The following TUSC3 variants were observed in gnomAD, a reference collection of about 807,000 sequenced individuals.
TUSC3 encodes tumor suppressor candidate 3, also known as dolichyl-diphosphooligosaccharide--protein glycosyltransferase subunit TUSC3.
In TUSC3, 45 loss-of-function variants were observed where a neutral mutation model predicts 44.8. The observed-to-expected ratio is 1.00, with a 90% CI of 0.79 to 1.29. The LOEUF is 1.29. TUSC3 is among the 50% of genes most tolerant of loss of function. The probability of loss-of-function intolerance (pLI) is 0.00; values close to 1 mark genes in which losing one functional copy is unlikely to be tolerated. For synonymous variants in TUSC3, 212 were observed against 152.9 expected, an observed-to-expected ratio of 1.39 and a Z score of -2.85; for missense variants, 519 against 437.9, an observed-to-expected ratio of 1.19 and a Z score of -1.65.
chr8:15,792,006 TAAAA>T, the TUSC3 span, among the ~76,000 whole-genome samples: 2 of 151,646 alleles, frequency 1.3e-5, no homozygotes, highest in African/African-American at 2.4e-5. Context: ...CTTTCTAACA[TAAAA>T]AAAAGCCACA....
intron 2 of TUSC3, among the ~76,000 whole-genome samples, chr8:15,528,383 G>C (rs192461370): frequency 1.6e-4 from 24 of 152,274 alleles, no homozygotes; most frequent in Non-Finnish European, 2.9e-5. Context: ...AATTTTAAAA[G>C]TTCGATATAA....
the TUSC3 span, among the ~76,000 whole-genome samples, chr8:15,827,826 G>C: frequency 6.6e-6 from 1 of 152,072 alleles, no homozygotes; most frequent in Non-Finnish European, 1.5e-5. Context: ...TTAGATGAGA[G>C]TTGATGCCGG....
intron 9 of TUSC3, among the ~76,000 whole-genome samples, chr8:15,751,098 G>A (rs1194579499): frequency 6.6e-6 from 1 of 152,118 alleles, no homozygotes; most frequent in African/African-American, 2.4e-5. Context: ...CTGTGCTATT[G>A]TGTGGGTTTA....
At chr8:15,692,375 G>GTTTTTTTTTTTTT (rs59838929) in intron 6 of TUSC3, among the ~76,000 whole-genome samples, 26 of 68,344 alleles carry the variant, frequency 3.8e-4, no homozygotes, top group East Asian at 5.1e-4. Flanking sequence ...CCCCCCCTTT[G>GTTTTTTTTTTTTT]TTTTTTTTTT....
At chr8:15,742,737 G>A (rs1811246978) in intron 7 of TUSC3, among the ~76,000 whole-genome samples, 1 of 152,196 alleles carries the variant, frequency 6.6e-6, no homozygotes, top group Non-Finnish European at 1.5e-5. Flanking sequence ...TCAATTTTTA[G>A]TCCATTAATC....
At chr8:15,468,159 T>G (rs2172820) in intron 1 of TUSC3, among the ~76,000 whole-genome samples, 38,474 of 152,136 alleles carry the variant, frequency 0.25, 4,994 homozygotes, top group Admixed American at 0.34. Flanking sequence ...CATATAATTA[T>G]CATCCTGAGA....
the TUSC3 span, among the ~76,000 whole-genome samples, chr8:15,846,150 A>G: frequency 6.6e-6 from 1 of 152,318 alleles, no homozygotes; most frequent in African/African-American, 2.4e-5. Flanking sequence ...TCTGGGAGAT[A>G]TAATTCCAGT....
intron 2 of TUSC3, among the ~76,000 whole-genome samples, chr8:15,485,462 G>GTTT (rs1800721141): frequency 4.0e-5 from 4 of 101,040 alleles, no homozygotes; most frequent in Non-Finnish European, 8.1e-5. Flanking sequence ...ATACTCTGTT[G>GTTT]TCTTTTTTTT....
chr8:15,571,706 T>C (rs1117882), intron 1 of TUSC3, among the ~76,000 whole-genome samples: 152,204 of 152,242 alleles, frequency 1, 76,083 homozygotes, highest in Middle Eastern at 1. Context: ...TGCTGTTTGA[T>C]AGAATTTTAC....
chr8:15,715,660 G>A (rs1201688371), intron 6 of TUSC3, among the ~76,000 whole-genome samples: 1 of 150,844 alleles, frequency 6.6e-6, no homozygotes, highest in African/African-American at 2.4e-5. Flanking sequence ...TAAAACCAAA[G>A]ATAAGGGGGG....
chr8:15,748,031 A>ATAACATGT (rs1372146625), intron 8 of TUSC3, among the ~76,000 whole-genome samples: 3 of 152,140 alleles, frequency 2.0e-5, no homozygotes, highest in African/African-American at 7.2e-5. Context: ...TTTGTGGTTT[A>ATAACATGT]TAACATGTTT....
chr8:15,603,924 C>T (rs1016477164), intron 1 of TUSC3, among the ~76,000 whole-genome samples: 2 of 151,336 alleles, frequency 1.3e-5, no homozygotes, highest in Admixed American at 1.3e-4. Context: ...GTTTAAGAAC[C>T]CTTTTAGAGT....
chr8:15,536,213 G>A (rs1801519851), upstream of TUSC3, among the ~76,000 whole-genome samples: 1 of 152,160 alleles, frequency 6.6e-6, no homozygotes, highest in South Asian at 2.1e-4. Flanking sequence ...CCTTGCTGGA[G>A]CAGCATGAGA....
At chr8:15,524,094 T>G (rs979822972) in intron 2 of TUSC3, among the ~76,000 whole-genome samples, 1 of 151,952 alleles carries the variant, frequency 6.6e-6, no homozygotes, top group African/African-American at 2.4e-5. Context: ...TGTGTTTGGT[T>G]TGCATTTGAT....
intron 2 of TUSC3, among the ~76,000 whole-genome samples, chr8:15,504,605 ATATATATATATATATATTTTT>A (rs1180368545): frequency 0.015 from 459 of 31,150 alleles, 7 homozygotes; most frequent in African/African-American, 0.015. Context: ...ATATATATAT[ATATATATATATATATATTTTT>A]TTTTTTTTTT....
rs150526847 is a variant in TUSC3 at position 15,489,972 on chromosome 8, C to T, written n.189+6489C>T. Among the ~76,000 whole-genome samples, 655 of 152,174 alleles carry T rather than the reference C, an allele frequency of 4.3e-3. 3 individuals are homozygous for T. The highest frequency in any genetic ancestry group is 0.015 in the African/African-American group (609 of 41,486). On this transcript the variant is annotated intron_variant and non_coding_transcript_variant, in intron 2 of 5. Coordinates refer to the TUSC3 transcript ENST00000503191. ...GTAAAGTTTTGTAATTCTGTTGGTG[C>T]TGAAATAGTCAAAATAAGAAATTTA... is the stretch of plus-strand genomic sequence containing the variant.
chr8:15,689,081 G>A, intron 6 of TUSC3: 1 of 377,000 alleles, frequency 2.7e-6, no homozygotes, highest in Non-Finnish European at 5.2e-6. Context: ...CTGCCCTGTA[G>A]TTTGCCTTTC....
rs1264065272 is a variant in TUSC3 at position 15,540,269 on chromosome 8, C to T, written c.-162C>T. On this transcript the variant is annotated 5_prime_UTR_variant, in exon 1 of 11. Transcript: ENST00000503731. ...GTGAACCGGATGCTCTGTCAGTCTC[C>T]TCCTCTGCGTCCTCGGCCGCGGCCC... The T allele has an allele frequency of 5.9e-6, 6 of 1,016,918 alleles. No homozygotes were observed. Among genetic ancestry groups the T allele is most frequent in the African/African-American group, 1.7e-5 (1 of 58,538 alleles). 63.0% of individuals were successfully genotyped at this position (1,016,918 alleles called of 1,614,324 possible). A position where few individuals can be genotyped will look rare whatever the true frequency, so the allele number is the denominator to read the frequency against.
At chr8:15,518,073 G>C (rs569270480) in intron 2 of TUSC3, among the ~76,000 whole-genome samples, 3 of 151,760 alleles carry the variant, frequency 2.0e-5, no homozygotes, top group African/African-American at 7.2e-5. Flanking sequence ...TCCACTTTCA[G>C]TCTCTGTATA....
Sources: allele counts gnomAD v4.1 joint callset (sites outside exome capture counted in the v4.1 genomes callset), GRCh38; gene constraint gnomAD v4.1.1; transcripts MANE v1.5; gene names NCBI Gene and HGNC (gene_info 2026-07-23, HGNC 2026-07-21).